The following LRIG3 variants were observed in gnomAD, a reference collection of about 807,000 sequenced individuals.
The protein encoded by LRIG3 is leucine-rich repeats and immunoglobulin-like domains protein 3.
A neutral mutation model predicts 114.5 loss-of-function variants in LRIG3; 76 were observed. The observed-to-expected ratio is 0.66, with a 90% CI of 0.55 to 0.80. The LOEUF is 0.80. Among genes scored for constraint, LRIG3 ranks in the 30% least tolerant of loss-of-function variants. The probability of loss-of-function intolerance (pLI) is 0.00; values close to 1 mark genes in which losing one functional copy is unlikely to be tolerated. For synonymous variants in LRIG3, 512 were observed against 519.8 expected (o/e 0.98, Z 0.20); for missense variants, 1,239 against 1,382.8 (o/e 0.90, Z 1.65).
At position 58,888,929 on chromosome 12, in the gene LRIG3, A is replaced by C. The variant is rs751379391; in HGVS notation, c.693T>G (p.Asp231Glu). 1 of 1,613,768 alleles carries C rather than the reference A, an allele frequency of 6.2e-7. No individual in the cohort carries two copies. The highest frequency in any genetic ancestry group is 1.7e-5 in the Admixed American group (1 of 59,980). Residue 231 changes from aspartate to glutamate, a missense_variant, in exon 6 of 19, where the codon GAT becomes GAG. Coordinates refer to ENST00000320743, the MANE Select transcript of LRIG3 (RefSeq NM_153377.5). ...ELNRNKIKNVDGLTFQGLGAL... is the reference protein window; with the variant it reads ...ELNRNKIKNVEGLTFQGLGAL... Reference sequence around the variant, plus strand: ...CACCAAGGCCTTGGAATGTCAGTCCATCTACATTTTTAATCTTGTTTCGGT... The same window carrying C: ...CACCAAGGCCTTGGAATGTCAGTCCCTCTACATTTTTAATCTTGTTTCGGT...
intron 3 of LRIG3, among the ~76,000 whole-genome samples, chr12:58,906,500 TG>T (rs1275506718): frequency 6.6e-6 from 1 of 152,220 alleles, no homozygotes; most frequent in Non-Finnish European, 1.5e-5. Context: ...TTCCCAAAGC[TG>T]TTTTTTTCAT....
intron 9 of LRIG3, 56 bp from the exon 10 acceptor site, chr12:58,885,958 A>T: frequency 9.0e-7 from 1 of 1,114,846 alleles, no homozygotes; most frequent in South Asian, 1.4e-5. Context: ...TTGGGGTGGA[A>T]CTCTCATAAA....
chr12:58,916,788 A>C (rs540994950), intron 1 of LRIG3, among the ~76,000 whole-genome samples: 1 of 152,320 alleles, frequency 6.6e-6, no homozygotes, highest in Non-Finnish European at 1.5e-5. Context: ...GGTTAGACAG[A>C]CTTCTCTCTT....
intron 7 of LRIG3, 130 bp downstream of exon 7, chr12:58,888,199 G>GAC: frequency 8.9e-7 from 1 of 1,124,166 alleles, no homozygotes; most frequent in South Asian, 1.8e-5. Context: ...ATAAGACTAG[G>GAC]TTGCATGTGA....
At chr12:58,872,841 A>G in intron 18 of LRIG3, 25 bp from the exon 19 acceptor site, 1 of 1,595,684 alleles carries the variant, frequency 6.3e-7, no homozygotes, top group African/African-American at 1.4e-5. Flanking sequence ...CACCTTGAGC[A>G]CATGGGTCCC....
At chr12:58,896,080 C>T (rs1871632425) in intron 3 of LRIG3, among the ~76,000 whole-genome samples, 2 of 152,128 alleles carry the variant, frequency 1.3e-5, no homozygotes, top group Admixed American at 1.3e-4. Flanking sequence ...GATGCTACTG[C>T]CCAGAACAGC....
intron 3 of LRIG3, among the ~76,000 whole-genome samples, chr12:58,901,327 T>C (rs1269138754): frequency 6.6e-6 from 1 of 152,200 alleles, no homozygotes; most frequent in African/African-American, 2.4e-5. Flanking sequence ...GACCCCACCA[T>C]ATTCTGTATA....
intron 3 of LRIG3, among the ~76,000 whole-genome samples, chr12:58,910,792 T>C (rs1872247746): frequency 6.6e-6 from 1 of 152,204 alleles, no homozygotes. Flanking sequence ...CAAGGCTCTT[T>C]TGTTCAACTA....
chr12:58,915,668 C>G (rs747784098), intron 1 of LRIG3, among the ~76,000 whole-genome samples: 3 of 152,142 alleles, frequency 2.0e-5, no homozygotes, highest in Non-Finnish European at 4.4e-5. Flanking sequence ...AAATCTGGCA[C>G]AGTCTTTAAA....
intron 7 of LRIG3, 130 bp from the exon 8 acceptor site, chr12:58,888,062 A>C: frequency 1.2e-6 from 1 of 845,698 alleles, no homozygotes; most frequent in South Asian, 2.2e-5. Flanking sequence ...ATAATATCCA[A>C]GTAAATATTT....
chr12:58,911,700 C>A (rs1274112081), intron 3 of LRIG3, among the ~76,000 whole-genome samples: 1 of 152,042 alleles, frequency 6.6e-6, no homozygotes, highest in Non-Finnish European at 1.5e-5. Context: ...TTTAAGAACT[C>A]ATTTTTAGCT....
At chr12:58,892,038 A>G (rs1017173354) in intron 3 of LRIG3, among the ~76,000 whole-genome samples, 2 of 151,410 alleles carry the variant, frequency 1.3e-5, no homozygotes, top group African/African-American at 4.9e-5. Context: ...GAAAGAAACA[A>G]ACAGAAAAAA....
At chr12:58,899,648 C>T (rs908119391) in intron 3 of LRIG3, among the ~76,000 whole-genome samples, 35 of 152,054 alleles carry the variant, frequency 2.3e-4, no homozygotes, top group African/African-American at 8.5e-4. Context: ...TTCCATTTAT[C>T]TCTGATTCTC....
intron 3 of LRIG3, among the ~76,000 whole-genome samples, chr12:58,891,619 G>A (rs1006548916): frequency 2.6e-5 from 4 of 152,052 alleles, no homozygotes; most frequent in African/African-American, 9.7e-5. Context: ...CTAGAACCAT[G>A]CTAGAGAGAT....
intron 16 of LRIG3, among the ~76,000 whole-genome samples, chr12:58,875,838 A>G (rs1211722328): frequency 2.0e-5 from 3 of 152,194 alleles, no homozygotes; most frequent in Non-Finnish European, 4.4e-5. Flanking sequence ...TCAGGAGTTC[A>G]AGACAAGCCT....
intron 3 of LRIG3, among the ~76,000 whole-genome samples, chr12:58,901,410 G>C (rs1871844293): frequency 6.6e-6 from 1 of 152,174 alleles, no homozygotes; most frequent in Non-Finnish European, 1.5e-5. Flanking sequence ...GTGTGTGATG[G>C]AGCGGACTTT....
chr12:58,895,285 G>A (rs1186855712), intron 3 of LRIG3, among the ~76,000 whole-genome samples: 1 of 152,168 alleles, frequency 6.6e-6, no homozygotes, highest in Non-Finnish European at 1.5e-5. Flanking sequence ...TGCAGCGACA[G>A]GAAAGGAGGA....
intron 14 of LRIG3, 57 bp downstream of exon 14, chr12:58,878,767 A>C (rs1274038789): frequency 6.5e-7 from 1 of 1,547,262 alleles, no homozygotes; most frequent in East Asian, 2.3e-5. Flanking sequence ...GGGACCTTGG[A>C]TGAGCTAGTA....
At position 58,872,771 on chromosome 12, in the gene LRIG3, G is replaced by C. The variant is rs1221719246; in HGVS notation, c.3161C>G (p.Ser1054Ter). The part of the protein sequence containing the change: ...ALRRPHLDAY[S>*]SFGQPSDCQP... The stretch of plus-strand genomic sequence containing the variant: ...ACAATCTGATGGCTGTCCAAAGCTT[G>C]AATAGGCATCTAGGTGAGGTCTCCT... Residue 1054 changes from serine (S) to a stop codon, truncating the protein, a stop_gained, in exon 19 of 19, where the codon TCA becomes TGA. Coordinates refer to ENST00000320743, the MANE Select transcript of LRIG3 (RefSeq NM_153377.5). LOFTEE classifies it high-confidence loss of function. 1.9e-6 allele frequency: 3 copies of C among 1,613,942 alleles called. No homozygotes were observed. In the African/African-American group the frequency reaches 4.0e-5, roughly 22 times the overall value.
Sources: allele counts gnomAD v4.1 joint callset (sites outside exome capture counted in the v4.1 genomes callset), GRCh38; gene constraint gnomAD v4.1.1; transcripts MANE v1.5; gene names NCBI Gene and HGNC (gene_info 2026-07-23, HGNC 2026-07-21).